NUP62CL: variants seen among roughly 807,000 people sequenced by gnomAD.
NUP62CL encodes the protein nucleoporin-62 C-terminal-like protein.
A neutral mutation model predicts 15.3 loss-of-function variants in NUP62CL; 13 were observed. That is an observed-to-expected ratio of 0.85 (90% CI 0.55 to 1.35). The LOEUF is 1.35. NUP62CL is among the 40% of genes most tolerant of loss of function. The pLI is 0.00. For synonymous variants in NUP62CL, 54 were observed against 49.2 expected (o/e 1.10, Z -0.41); for missense variants, 123 against 130.6 (o/e 0.94, Z 0.28).
rs1197325567 is a variant in NUP62CL at position 107,189,928 on chromosome X, AG to A, written c.-48+3100del. Among the ~76,000 whole-genome samples the A allele has an allele frequency of 1.6e-3, 168 of 108,355 alleles. 3 individuals are homozygous for A. Among genetic ancestry groups the A allele is most frequent in the Middle Eastern group, 0.014 (3 of 209 alleles). 94.1% of individuals were successfully genotyped at this position (108,355 alleles called of 115,157 possible). Reference sequence around the variant, plus strand: ...AAGAAAGAAAGAAAGAAAGAAAGAAAGAAAGAAAGAAAGAAAGAGAATCGAT... The same window carrying A: ...AAGAAAGAAAGAAAGAAAGAAAGAAAAAAGAAAGAAAGAAAGAGAATCGAT... On this transcript the variant is annotated intron_variant, in intron 2 of 8. Transcript: ENST00000372466.
intron 2 of NUP62CL, among the ~76,000 whole-genome samples, chrX:107,184,608 A>T (rs1262343775): frequency 1.8e-5 from 2 of 111,544 alleles, no homozygotes; most frequent in Non-Finnish European, 3.8e-5. Flanking sequence ...ATAACCAAGG[A>T]CTTAACTTTC....
At chrX:107,182,045 G>T (rs1926931904) in intron 2 of NUP62CL, among the ~76,000 whole-genome samples, 1 of 111,894 alleles carries the variant, frequency 8.9e-6, no homozygotes, top group African/African-American at 3.2e-5. Context: ...ATTTGTCCCA[G>T]ATACTGGCAT....
chrX:107,198,327 T>A (rs1040059273), intron 1 of NUP62CL, among the ~76,000 whole-genome samples: 20 of 111,708 alleles, frequency 1.8e-4, no homozygotes, highest in African/African-American at 6.5e-4. Flanking sequence ...CTCTATAAAA[T>A]GGAACAATCA....
At chrX:107,168,650 T>C (rs1926572326) in intron 3 of NUP62CL, among the ~76,000 whole-genome samples, 1 of 112,693 alleles carries the variant, frequency 8.9e-6, no homozygotes, top group East Asian at 2.8e-4. Flanking sequence ...TGCTAGGGCA[T>C]TGGGAAGGTT....
At chrX:107,175,250 A>T in intron 2 of NUP62CL, 57 bp from the exon 3 acceptor site, 2 of 574,663 alleles carry the variant, frequency 3.5e-6, no homozygotes, top group Non-Finnish European at 5.8e-6. Flanking sequence ...TTTTAAAAGT[A>T]AAACAACATT....
intron 8 of NUP62CL, among the ~76,000 whole-genome samples, chrX:107,129,939 C>T (rs1300886563): frequency 9.0e-6 from 1 of 111,436 alleles, no homozygotes; most frequent in Non-Finnish European, 1.9e-5. Flanking sequence ...CATAAAACAA[C>T]ACAACATCTC....
chrX:107,154,170 G>T lies in NUP62CL; in HGVS notation c.271C>A (p.Gln91Lys). Residue 91 changes from glutamine (Q) to lysine (K), a missense_variant, in exon 5 of 9, where the codon CAA (glutamine) becomes AAA (lysine). Coordinates refer to ENST00000372466, the MANE Select transcript of NUP62CL (RefSeq NM_017681.3). ...INEWNLELED[Q>K]EKYFLLQATQ... ...GCCTGGAGAAGAAAGTACTTCTCTTGATCTTCCAGCTCAAGGTTCCACTCA... is the reference window on the plus strand; with the variant it reads ...GCCTGGAGAAGAAAGTACTTCTCTTTATCTTCCAGCTCAAGGTTCCACTCA... 8.3e-7 allele frequency: 1 copy of T among 1,206,503 alleles called. No individual in the cohort carries two copies. Among genetic ancestry groups the T allele is most frequent in the Non-Finnish European group, 1.1e-6 (1 of 891,149 alleles).
intron 8 of NUP62CL, among the ~76,000 whole-genome samples, chrX:107,127,345 T>TA (rs773716499): frequency 7.8e-4 from 87 of 111,752 alleles, no homozygotes; most frequent in African/African-American, 2.7e-3. Context: ...ATTTTGGCGG[T>TA]AAAAAAAGTG....
At chrX:107,173,125 CATA>C (rs1433052600) in intron 3 of NUP62CL, among the ~76,000 whole-genome samples, 1 of 112,370 alleles carries the variant, frequency 8.9e-6, no homozygotes. Flanking sequence ...CAGAGAACAA[CATA>C]ATATTAACTA....
chrX:107,192,932 C>A (rs2275790), intron 2 of NUP62CL, 97 bp downstream of exon 2: 26,470 of 110,667 alleles, frequency 0.24, 2,582 homozygotes, highest in East Asian at 0.47. Flanking sequence ...TGGGACAACA[C>A]CCTCAAATTT....
intron 2 of NUP62CL, among the ~76,000 whole-genome samples, chrX:107,189,922 AAAGAAAGAAAGAAAGAAAGAAAG>A (rs1927192807): frequency 1.9e-5 from 2 of 107,308 alleles, no homozygotes; most frequent in East Asian, 2.9e-4. Context: ...AGAAAGAAAG[AAAGAAAGAAAGAAAGAAAGAAAG>A]AGAATCGATA....
At chrX:107,189,404 T>C (rs1189071423) in intron 2 of NUP62CL, among the ~76,000 whole-genome samples, 2 of 110,387 alleles carry the variant, frequency 1.8e-5, no homozygotes, top group Non-Finnish European at 3.8e-5. Context: ...GTAGAAAAAA[T>C]ACAAATATCC....
At chrX:107,159,886 T>C (rs1335900844) in intron 4 of NUP62CL, among the ~76,000 whole-genome samples, 3 of 103,523 alleles carry the variant, frequency 2.9e-5, no homozygotes, top group Admixed American at 2.1e-4. Flanking sequence ...AAAACCCCAT[T>C]GTCTCAGCCC....
intron 4 of NUP62CL, among the ~76,000 whole-genome samples, chrX:107,161,082 A>G (rs1205775117): frequency 2.2e-4 from 24 of 110,664 alleles, no homozygotes; most frequent in Non-Finnish European, 3.8e-4. Context: ...CCACTATGAG[A>G]TATCATCTCA....
chrX:107,139,501 A>G (rs1233979538), intron 8 of NUP62CL, among the ~76,000 whole-genome samples: 2 of 111,881 alleles, frequency 1.8e-5, no homozygotes, highest in African/African-American at 3.2e-5. Context: ...AAAAAGACCA[A>G]CGCACACAAA....
intron 2 of NUP62CL, among the ~76,000 whole-genome samples, chrX:107,181,973 CCT>C (rs1926929915): frequency 9.0e-6 from 1 of 111,589 alleles, no homozygotes; most frequent in East Asian, 2.8e-4. Context: ...ATTACTGAAA[CCT>C]CTTTACTATC....
chrX:107,168,762 ATTGT>A (rs895924638), intron 3 of NUP62CL, among the ~76,000 whole-genome samples: 31 of 112,346 alleles, frequency 2.8e-4, no homozygotes, highest in African/African-American at 8.1e-4. Context: ...AACGTACATG[ATTGT>A]TTGTTTTATG....
rs759094579 is a variant in NUP62CL, at chrX:107,137,638, T to TA, written c.*42+10104dup. Among the ~76,000 whole-genome samples the TA allele has an allele frequency of 5.6e-3, 624 of 111,799 alleles. 6 individuals are homozygous for TA. Among genetic ancestry groups the TA allele is most frequent in the African/African-American group, 0.02 (607 of 30,818 alleles). On this transcript the variant is annotated intron_variant, in intron 8 of 8. Coordinates refer to ENST00000372466, the MANE Select transcript of NUP62CL (RefSeq NM_017681.3). The stretch of plus-strand genomic sequence containing the variant: ...ACCATTCATAATCACTACAAAGTAA[T>TA]AAAATACTAAGGTATAAATCTAACA...
At chrX:107,175,992 C>T (rs1926772716) in intron 2 of NUP62CL, among the ~76,000 whole-genome samples, 1 of 111,422 alleles carries the variant, frequency 9.0e-6, no homozygotes, top group Non-Finnish European at 1.9e-5. Flanking sequence ...CCCCAGTTTA[C>T]TTGCAGGGTT....
Sources: gnomAD v4.1 joint callset for allele counts (sites outside exome capture counted in the v4.1 genomes callset) on GRCh38, gnomAD v4.1.1 for gene constraint, MANE v1.5 for transcripts, NCBI Gene and HGNC (gene_info 2026-07-23, HGNC 2026-07-21) for gene names.